Variants in ANO2 observed in about 807,000 individuals in gnomAD.
The protein encoded by ANO2 is anoctamin 2.
Under a neutral mutation model 124.2 loss-of-function variants are expected in ANO2, and 101 were observed. That is an observed-to-expected ratio of 0.81 (90% CI 0.69 to 0.96). ANO2 has a LOEUF of 0.96. Ranked by LOEUF, ANO2 falls within the 40% of genes least tolerant of loss-of-function variation. ANO2 has a pLI of 0.00. For missense variants in ANO2, 1,293 were observed against 1,274.5 expected, an observed-to-expected ratio of 1.01 and a Z score of -0.22; for synonymous variants, 486 against 482.5, an observed-to-expected ratio of 1.01 and a Z score of -0.09.
intron 15 of ANO2, among the ~76,000 whole-genome samples, chr12:5,640,899 A>C (rs562209344): frequency 6.6e-6 from 1 of 152,374 alleles, no homozygotes; most frequent in African/African-American, 2.4e-5. Context: ...ATTATAAATC[A>C]ATCTACTATA....
chr12:5,580,062 T>C (rs1386675270), intron 20 of ANO2, among the ~76,000 whole-genome samples: 1 of 152,142 alleles, frequency 6.6e-6, no homozygotes, highest in Non-Finnish European at 1.5e-5. Flanking sequence ...GTTCAGTACA[T>C]ATTTGCTGAT....
intron 19 of ANO2, among the ~76,000 whole-genome samples, chr12:5,606,272 T>C (rs1191183455): frequency 6.6e-6 from 1 of 152,174 alleles, no homozygotes; most frequent in Non-Finnish European, 1.5e-5. Context: ...TTGCATCTCA[T>C]TAGAGGCCCT....
intron 14 of ANO2, among the ~76,000 whole-genome samples, chr12:5,686,942 C>G (rs1948735485): frequency 6.6e-6 from 1 of 152,172 alleles, no homozygotes; most frequent in Admixed American, 6.5e-5. Flanking sequence ...GACTTGACAG[C>G]AAAGGTGAAA....
chr12:5,857,775 TAGA>T (rs757113939), intron 3 of ANO2, among the ~76,000 whole-genome samples: 1 of 55,084 alleles, frequency 1.8e-5, no homozygotes, highest in African/African-American at 9.1e-5. Context: ...AGAAATGTGA[TAGA>T]TAGATAGATA....
intron 10 of ANO2, among the ~76,000 whole-genome samples, chr12:5,786,968 A>T (rs1341964642): frequency 2.0e-5 from 3 of 152,176 alleles, no homozygotes; most frequent in Non-Finnish European, 4.4e-5. Context: ...AGTCATTCAC[A>T]TTCCCACTAA....
At chr12:5,796,876 T>G (rs1220421259) in intron 10 of ANO2, among the ~76,000 whole-genome samples, 1 of 152,214 alleles carries the variant, frequency 6.6e-6, no homozygotes, top group Non-Finnish European at 1.5e-5. Flanking sequence ...TCCTGCCCCA[T>G]GAGCTCTCAA....
chr12:5,601,130 G>A (rs1943918986), intron 19 of ANO2, among the ~76,000 whole-genome samples: 1 of 152,050 alleles, frequency 6.6e-6, no homozygotes, highest in South Asian at 2.1e-4. Context: ...AACTCTATAA[G>A]CTTTAGTTTT....
chr12:5,859,080 C>A lies in ANO2; in HGVS notation c.535-4939G>T, dbSNP rs148389838. Among the ~76,000 whole-genome samples, 10 of 152,244 alleles carry A rather than the reference C, an allele frequency of 6.6e-5. No individual in the cohort carries two copies. The East Asian group carries it at 1.9e-3, about 29-fold the overall frequency. ...TTTAACACAACATGAAGAGATTAGC[C>A]GTCAGAGGATACAATCCATCCCTAA... On this transcript the variant is annotated intron_variant, in intron 3 of 24. Transcript: ENST00000682330.
At chr12:5,795,272 C>G (rs1952813165) in intron 10 of ANO2, among the ~76,000 whole-genome samples, 1 of 152,220 alleles carries the variant, frequency 6.6e-6, no homozygotes, top group Admixed American at 6.5e-5. Context: ...ACTCTCAGAT[C>G]CTCGTGGAAG....
intron 7 of ANO2, among the ~76,000 whole-genome samples, chr12:5,822,751 C>A (rs546209704): frequency 6.6e-6 from 1 of 152,304 alleles, no homozygotes; most frequent in African/African-American, 2.4e-5. Flanking sequence ...GTACGCAATG[C>A]TTCTGCCAAG....
chr12:5,922,537 G>A (rs1941755055), intron 2 of ANO2, 83 bp downstream of exon 2: 2 of 1,405,154 alleles, frequency 1.4e-6, no homozygotes, highest in East Asian at 2.6e-5. Context: ...CTCCCAACTG[G>A]AGGATCCCCC....
At chr12:5,882,956 A>G (rs1288544479) in intron 3 of ANO2, among the ~76,000 whole-genome samples, 1 of 152,184 alleles carries the variant, frequency 6.6e-6, no homozygotes, top group African/African-American at 2.4e-5. Context: ...ATGGGGAGAT[A>G]TGAGAGCAAA....
At chr12:5,736,482 T>C (rs998605763) in intron 13 of ANO2, among the ~76,000 whole-genome samples, 1 of 152,188 alleles carries the variant, frequency 6.6e-6, no homozygotes, top group Non-Finnish European at 1.5e-5. Context: ...TTCCTGATAC[T>C]GGGAGGTGTC....
At chr12:5,798,448 C>G (rs768644475) in intron 10 of ANO2, among the ~76,000 whole-genome samples, 1 of 152,156 alleles carries the variant, frequency 6.6e-6, no homozygotes, top group African/African-American at 2.4e-5. Flanking sequence ...CAAGCAGAAG[C>G]TGGAATTCCT....
chr12:5,888,449 T>G (rs938730840), intron 3 of ANO2, among the ~76,000 whole-genome samples: 60 of 152,284 alleles, frequency 3.9e-4, no homozygotes, highest in African/African-American at 1.3e-3. Flanking sequence ...TTCTCTTATC[T>G]GGCCCCACCC....
At chr12:5,845,788 T>G (rs113726781) in intron 4 of ANO2, among the ~76,000 whole-genome samples, 5,394 of 152,258 alleles carry the variant, frequency 0.035, 236 homozygotes, top group African/African-American at 0.1. Flanking sequence ...ATAAGTTTAT[T>G]AACCTCTCTG....
intron 23 of ANO2, among the ~76,000 whole-genome samples, chr12:5,575,003 A>C (rs1366805664): frequency 6.6e-6 from 1 of 152,086 alleles, no homozygotes; most frequent in Non-Finnish European, 1.5e-5. Context: ...ACCTAGCACC[A>C]AGTCTTTATC....
chr12:5,622,379 C>T (rs1429763644), intron 16 of ANO2, among the ~76,000 whole-genome samples: 2 of 152,190 alleles, frequency 1.3e-5, no homozygotes, highest in Non-Finnish European at 2.9e-5. Flanking sequence ...TGTGCCTGTG[C>T]TTTAGGGCCA....
intron 14 of ANO2, among the ~76,000 whole-genome samples, chr12:5,693,675 T>A (rs1949039423): frequency 6.6e-6 from 1 of 151,942 alleles, no homozygotes; most frequent in South Asian, 2.1e-4. Context: ...GCCCAGACCC[T>A]CTCCTTCCTT....
Sources: gnomAD v4.1 joint callset for allele counts (sites outside exome capture counted in the v4.1 genomes callset) on GRCh38, gnomAD v4.1.1 for gene constraint, MANE v1.5 for transcripts, NCBI Gene and HGNC (gene_info 2026-07-23, HGNC 2026-07-21) for gene names.